THEMIS: variants seen among roughly 807,000 people sequenced by gnomAD.
THEMIS encodes protein THEMIS.
Under a neutral mutation model 52.6 loss-of-function variants are expected in THEMIS, and 37 were observed. The ratio of observed to expected loss-of-function variants is 0.70; its 90% confidence interval spans 0.54 to 0.93. The LOEUF (loss-of-function observed/expected upper bound fraction) is 0.93. Ranked by LOEUF, THEMIS falls within the 40% of genes least tolerant of loss-of-function variation. THEMIS has a pLI of 0.00. For missense variants in THEMIS, 808 were observed against 763.1 expected (o/e 1.06, Z -0.69); for synonymous variants, 292 against 272.7 (o/e 1.07, Z -0.70).
chr6:127,724,111 T>C (rs913018213), intron 4 of THEMIS, among the ~76,000 whole-genome samples: 1 of 152,136 alleles, frequency 6.6e-6, no homozygotes, highest in Admixed American at 6.6e-5. Flanking sequence ...GTGTATATCA[T>C]CACTCCTAAC....
At chr6:127,890,636 A>G (rs931221250) in intron 1 of THEMIS, among the ~76,000 whole-genome samples, 1 of 152,192 alleles carries the variant, frequency 6.6e-6, no homozygotes, top group African/African-American at 2.4e-5. Context: ...GGTGAACAGT[A>G]TCCTAATTAC....
chr6:127,802,038 C>G (rs1777553857), intron 4 of THEMIS, among the ~76,000 whole-genome samples: 1 of 152,108 alleles, frequency 6.6e-6, no homozygotes, highest in Admixed American at 6.5e-5. Context: ...TTTAATGTTG[C>G]AGTTCGGGGA....
At chr6:127,814,095 A>G (rs887292597) in intron 3 of THEMIS, among the ~76,000 whole-genome samples, 164 bp from the exon 4 acceptor site, 4 of 152,196 alleles carry the variant, frequency 2.6e-5, no homozygotes, top group African/African-American at 9.7e-5. Context: ...AAATTTTAAG[A>G]TGAAAGAGAT....
At chr6:127,736,479 T>G (rs1775009584) in intron 4 of THEMIS, among the ~76,000 whole-genome samples, 1 of 152,020 alleles carries the variant, frequency 6.6e-6, no homozygotes, top group African/African-American at 2.4e-5. Context: ...ATTGATATGG[T>G]TTTCTAACAC....
chr6:127,763,142 T>C (rs1337045340), intron 4 of THEMIS, among the ~76,000 whole-genome samples: 1 of 151,982 alleles, frequency 6.6e-6, no homozygotes, highest in East Asian at 1.9e-4. Flanking sequence ...AAGAAAAGAA[T>C]GTGTCTGATT....
At chr6:127,738,105 A>G (rs996715348) in intron 4 of THEMIS, among the ~76,000 whole-genome samples, 1 of 152,172 alleles carries the variant, frequency 6.6e-6, no homozygotes, top group African/African-American at 2.4e-5. Flanking sequence ...CCCTGGCCTA[A>G]GGTCTCATTC....
At chr6:127,719,919 T>G (rs2114485302) in intron 4 of THEMIS, 96 bp from the exon 5 acceptor site, 2 of 1,454,778 alleles carry the variant, frequency 1.4e-6, no homozygotes, top group East Asian at 4.7e-5. Flanking sequence ...TTTCTGTATG[T>G]CTGAAACAGA....
chr6:127,903,749 A>G (rs998466537), upstream of THEMIS, among the ~76,000 whole-genome samples: 1 of 151,654 alleles, frequency 6.6e-6, no homozygotes, highest in Admixed American at 6.6e-5. Context: ...AAAAAAAAAA[A>G]GCACATCCTT....
chr6:127,792,178 C>G (rs965057930), intron 4 of THEMIS, among the ~76,000 whole-genome samples: 2 of 152,162 alleles, frequency 1.3e-5, no homozygotes, highest in Middle Eastern at 3.2e-3. Flanking sequence ...CAAGGTGGGC[C>G]GCCGCTGCCA....
chr6:127,902,487 G>A (rs1781168024), upstream of THEMIS, among the ~76,000 whole-genome samples: 1 of 151,876 alleles, frequency 6.6e-6, no homozygotes, highest in South Asian at 2.1e-4. Flanking sequence ...GAGGGTCAGG[G>A]GACATCTCAG....
intron 4 of THEMIS, among the ~76,000 whole-genome samples, chr6:127,753,035 A>C (rs530451151): frequency 6.6e-6 from 1 of 152,086 alleles, no homozygotes; most frequent in African/African-American, 2.4e-5. Flanking sequence ...AATATGATAC[A>C]CCACATTAAT....
chr6:127,783,665 G>T (rs1776824931), intron 4 of THEMIS, among the ~76,000 whole-genome samples: 1 of 152,188 alleles, frequency 6.6e-6, no homozygotes, highest in South Asian at 2.1e-4. Context: ...TTAGAGAAAT[G>T]CAAATCAAAA....
intron 3 of THEMIS, among the ~76,000 whole-genome samples, chr6:127,821,619 G>A (rs572762292): frequency 6.6e-6 from 1 of 151,622 alleles, no homozygotes; most frequent in East Asian, 1.9e-4. Flanking sequence ...AGTTCTTTCA[G>A]GGAAAGTCCC....
chr6:127,726,404 G>A (rs1418509163), intron 4 of THEMIS, among the ~76,000 whole-genome samples: 1 of 152,072 alleles, frequency 6.6e-6, no homozygotes, highest in African/African-American at 2.4e-5. Flanking sequence ...AACCACCCTT[G>A]CTGTAACTGA....
In THEMIS at chr6:127,845,704, A is replaced by C. The variant is rs11755520; in HGVS notation, c.250+9326T>G. 8.1e-3 allele frequency among the ~76,000 whole-genome samples: 1,238 copies of C among 152,006 alleles called. 7 individuals carry two copies. Among genetic ancestry groups the C allele is most frequent in the Non-Finnish European group, 0.013 (867 of 67,888 alleles). On this transcript the variant is annotated intron_variant, in intron 2 of 5. Transcript: ENST00000368248. ...ATTATTGGGGAAAGGCTTTTCTCAG[A>C]GCACTTGCCAAAAATAATAAAAGAA... is the stretch of plus-strand genomic sequence containing the variant.
At chr6:127,858,401 T>C (rs1009830447) in intron 1 of THEMIS, among the ~76,000 whole-genome samples, 21 of 152,094 alleles carry the variant, frequency 1.4e-4, no homozygotes, top group Admixed American at 3.9e-4. Flanking sequence ...TGTTAACTCA[T>C]TTTTAATAAA....
intron 4 of THEMIS, among the ~76,000 whole-genome samples, chr6:127,772,329 G>A (rs1159808712): frequency 1.3e-5 from 2 of 151,712 alleles, no homozygotes; most frequent in Non-Finnish European, 2.9e-5. Context: ...TTTGCCCCTG[G>A]TGAATTAAAA....
intron 1 of THEMIS, among the ~76,000 whole-genome samples, chr6:127,886,128 G>C (rs907047813): frequency 2.6e-5 from 4 of 152,050 alleles, no homozygotes; most frequent in Admixed American, 2.0e-4. Context: ...TGGTAAAGAG[G>C]TTTCCCTCAA....
intron 2 of THEMIS, among the ~76,000 whole-genome samples, chr6:127,847,279 G>A (rs1041982439): frequency 6.6e-6 from 1 of 152,002 alleles, no homozygotes; most frequent in South Asian, 2.1e-4. Flanking sequence ...GGAAGTCCTA[G>A]CCACAGCAAT....
Sources: gnomAD v4.1 joint callset for allele counts (sites outside exome capture counted in the v4.1 genomes callset) on GRCh38, gnomAD v4.1.1 for gene constraint, MANE v1.5 for transcripts, NCBI Gene and HGNC (gene_info 2026-07-23, HGNC 2026-07-21) for gene names.